CXADR: variants seen among roughly 807,000 people sequenced by gnomAD.
The protein encoded by CXADR is coxsackievirus and adenovirus receptor.
Under a neutral mutation model 40.3 loss-of-function variants are expected in CXADR, and 20 were observed. That is an observed-to-expected ratio of 0.50 (90% CI 0.35 to 0.72). The LOEUF (loss-of-function observed/expected upper bound fraction) is 0.72. CXADR is among the 30% of genes least tolerant of loss of function. The pLI is 0.01. For missense variants in CXADR, 332 were observed against 449.1 expected, an observed-to-expected ratio of 0.74 and a Z score of 2.36; for synonymous variants, 150 against 161.3, an observed-to-expected ratio of 0.93 and a Z score of 0.53.
chr21:17,529,052 T>G (rs1223967206), intron 1 of CXADR, among the ~76,000 whole-genome samples: 1 of 135,532 alleles, frequency 7.4e-6, no homozygotes, highest in Non-Finnish European at 1.6e-5. Flanking sequence ...TTTTTTTTTT[T>G]TTTTGAGACA....
downstream of CXADR, among the ~76,000 whole-genome samples, chr21:17,597,438 A>G (rs1050804721): frequency 1.3e-5 from 2 of 151,998 alleles, no homozygotes; most frequent in Non-Finnish European, 2.9e-5. Context: ...ATGATCCTGA[A>G]GTACAAATAC....
intron 3 of CXADR, 139 bp from the exon 4 acceptor site, chr21:17,558,837 C>A: frequency 1.2e-6 from 1 of 809,684 alleles, no homozygotes; most frequent in East Asian, 2.8e-5. Context: ...ATGTTGATCA[C>A]TTACTGTGGT....
At chr21:17,615,670 T>C in the CXADR span, among the ~76,000 whole-genome samples, 5 of 152,204 alleles carry the variant, frequency 3.3e-5, no homozygotes, top group Admixed American at 6.5e-5. Context: ...CTCATTAATA[T>C]GTATTTCCAT....
the CXADR span, chr21:17,599,057 C>A: frequency 2.6e-6 from 1 of 382,482 alleles, no homozygotes. Context: ...ATTTTCTTTC[C>A]CTTATTTTCT....
At chr21:17,629,380 T>C in the CXADR span, among the ~76,000 whole-genome samples, 1 of 126,456 alleles carries the variant, frequency 7.9e-6, no homozygotes, top group African/African-American at 3.4e-5. Flanking sequence ...AGAGAGAGAC[T>C]GTGTCTCAAA....
chr21:17,610,644 G>C, the CXADR span, among the ~76,000 whole-genome samples: 2 of 152,168 alleles, frequency 1.3e-5, no homozygotes, highest in African/African-American at 4.8e-5. Flanking sequence ...TACTCAGTGA[G>C]CTCATTCATC....
chr21:17,610,455 A>AT, the CXADR span, among the ~76,000 whole-genome samples: 1 of 152,260 alleles, frequency 6.6e-6, no homozygotes, highest in Non-Finnish European at 1.5e-5. Flanking sequence ...CTATCAGGAC[A>AT]TATTTAAGAA....
chr21:17,616,677 G>A, the CXADR span, among the ~76,000 whole-genome samples: 9 of 152,060 alleles, frequency 5.9e-5, no homozygotes, highest in Admixed American at 2.6e-4. Flanking sequence ...AGGATGTTAC[G>A]TTACATAGCA....
intron 7 of CXADR, among the ~76,000 whole-genome samples, chr21:17,579,369 C>G (rs1278392335): frequency 6.6e-6 from 1 of 151,850 alleles, no homozygotes; most frequent in Admixed American, 6.6e-5. Flanking sequence ...ACTGCAACCT[C>G]CGTCTCCCAG....
At chr21:17,611,919 AG>A in the CXADR span, 1 of 152,224 alleles carries the variant, frequency 6.6e-6, no homozygotes, top group African/African-American at 2.4e-5. Flanking sequence ...GACGTTCCCA[AG>A]GTGGAGGGCG....
At chr21:17,587,682 A>G (rs1202819303) in intron 7 of CXADR, among the ~76,000 whole-genome samples, 1 of 152,118 alleles carries the variant, frequency 6.6e-6, no homozygotes, top group Non-Finnish European at 1.5e-5. Flanking sequence ...CCCATTCTGT[A>G]GGTTGCCTGT....
chr21:17,573,689 A>T (rs2061297638), downstream of CXADR, among the ~76,000 whole-genome samples: 1 of 152,208 alleles, frequency 6.6e-6, no homozygotes, highest in African/African-American at 2.4e-5. Context: ...CAAGTGGATC[A>T]CTTGAGGCCA....
intron 1 of CXADR, among the ~76,000 whole-genome samples, chr21:17,516,650 T>C (rs1341312778): frequency 6.6e-6 from 1 of 152,164 alleles, no homozygotes; most frequent in African/African-American, 2.4e-5. Context: ...GTCTGTTGCC[T>C]TACGTGTCAA....
rs1414854443 is a variant in CXADR at position 17,568,189 on chromosome 21, C to T, written c.*2497C>T. The T allele has an allele frequency of 1.2e-5, 11 of 949,698 alleles. No homozygotes were observed. Among genetic ancestry groups the T allele is most frequent in the East Asian group, 1.2e-4 (1 of 8,028 alleles). 58.8% of individuals were successfully genotyped at this position (949,698 alleles called of 1,614,324 possible). A position where few individuals can be genotyped will look rare whatever the true frequency, so the allele number is the denominator to read the frequency against. On this transcript the variant is annotated 3_prime_UTR_variant, in exon 7 of 7. Transcript: ENST00000284878. ...TGTCACCCAGGCTGGAGTGCAGTGG[C>T]GGGATCTCGGCTCACTGCAAGCTCC...
chr21:17,598,168 A>C (rs2061527489), downstream of CXADR, among the ~76,000 whole-genome samples: 1 of 152,150 alleles, frequency 6.6e-6, no homozygotes, highest in South Asian at 2.1e-4. Context: ...TAAAGCAAAA[A>C]GGGAGACAAT....
In CXADR at chr21:17,559,001, C is replaced by T. The variant is rs772564161; in HGVS notation, c.441C>T (p.Tyr147=). 8.7e-6 allele frequency: 14 copies of T among 1,612,832 alleles called. No homozygotes were observed. The highest frequency in any genetic ancestry group is 4.5e-5 in the East Asian group (2 of 44,868). ...TTAAGCCTTCAGGTGCGAGATGTTA[C>T]GTTGATGGATCTGAAGAAATTGGAA... ...VLVKPSGARC[Y]VDGSEEIGSD... Residue 147 remains tyrosine (Y), a synonymous_variant, in exon 4 of 7, where the codon TAC becomes TAT. Transcript: ENST00000284878.
At chr21:17,589,926 T>C (rs934265187) in intron 7 of CXADR, among the ~76,000 whole-genome samples, 1 of 152,078 alleles carries the variant, frequency 6.6e-6, no homozygotes, top group African/African-American at 2.4e-5. Flanking sequence ...TTAATTTTGA[T>C]TCCCAAAATA....
At position 17,567,019 on chromosome 21, in the gene CXADR, G is replaced by T; in HGVS notation, c.*1327G>T. 1.0e-6 allele frequency: 1 copy of T among 981,118 alleles called. No individual in the cohort carries two copies. Among genetic ancestry groups the T allele is most frequent in the Non-Finnish European group, 1.2e-6 (1 of 826,140 alleles). The allele number at this position is 981,118 out of a possible 1,614,324, so 60.8% of individuals were successfully genotyped here. ...AAGGGACTACTCCTCCTTGCCAAAT[G>T]TGCTAAATATCATTTTAGGAGAAGA... On this transcript the variant is annotated 3_prime_UTR_variant, in exon 7 of 7. Transcript: ENST00000284878.
the CXADR span, among the ~76,000 whole-genome samples, chr21:17,607,075 A>AT: frequency 1.4e-4 from 22 of 152,302 alleles, no homozygotes; most frequent in African/African-American, 5.3e-4. Flanking sequence ...TATTCTATTC[A>AT]TTTTTATAAT....
Sources: allele counts gnomAD v4.1 joint callset (sites outside exome capture counted in the v4.1 genomes callset), GRCh38; gene constraint gnomAD v4.1.1; transcripts MANE v1.5; gene names NCBI Gene and HGNC (gene_info 2026-07-23, HGNC 2026-07-21).